C1QTNF3: variants seen among roughly 807,000 people sequenced by gnomAD.
The protein encoded by C1QTNF3 is complement C1q tumor necrosis factor-related protein 3.
In C1QTNF3, 26 loss-of-function variants were observed where a neutral mutation model predicts 32.6. That is an observed-to-expected ratio of 0.80 (90% CI 0.58 to 1.11). C1QTNF3 has a LOEUF of 1.11. C1QTNF3 is among the 50% of genes least tolerant of loss of function. The pLI is 0.00. For synonymous variants in C1QTNF3, 155 were observed against 146.0 expected (o/e 1.06, Z -0.44); for missense variants, 362 against 398.2 (o/e 0.91, Z 0.77).
chr5:34,115,742 A>G, the C1QTNF3 span, among the ~76,000 whole-genome samples: 1 of 151,964 alleles, frequency 6.6e-6, no homozygotes. Flanking sequence ...AAAAAAAAAA[A>G]AAAAAACTTT....
chr5:34,025,744 G>T (rs1165027847), intron 4 of C1QTNF3, among the ~76,000 whole-genome samples: 1 of 152,148 alleles, frequency 6.6e-6, no homozygotes, highest in Non-Finnish European at 1.5e-5. Flanking sequence ...CCTTACTTAG[G>T]CTTCAATTAT....
At chr5:34,102,150 A>C in the C1QTNF3 span, among the ~76,000 whole-genome samples, 14 of 151,646 alleles carry the variant, frequency 9.2e-5, no homozygotes, top group African/African-American at 3.4e-4. Context: ...ACACAAAAAC[A>C]ACCTATCAGA....
the C1QTNF3 span, among the ~76,000 whole-genome samples, chr5:34,063,273 T>C: frequency 1.4e-5 from 2 of 141,586 alleles, no homozygotes; most frequent in Non-Finnish European, 3.1e-5. Context: ...ACTTTCTGCC[T>C]TTCTCTCTCT....
chr5:34,024,311 G>GT (rs1396011228), intron 4 of C1QTNF3: 1 of 275,236 alleles, frequency 3.6e-6, no homozygotes, highest in Admixed American at 4.7e-5. Context: ...CAAAGTAGGC[G>GT]TTGTTCCTGG....
chr5:34,166,388 G>C, the C1QTNF3 span: 1 of 151,888 alleles, frequency 6.6e-6, no homozygotes, highest in South Asian at 2.1e-4. Flanking sequence ...GACCCAGAGA[G>C]ACTGTTGCTC....
the C1QTNF3 span, among the ~76,000 whole-genome samples, chr5:34,187,714 T>G: frequency 6.6e-6 from 1 of 152,308 alleles, no homozygotes; most frequent in Non-Finnish European, 1.5e-5. Flanking sequence ...AGAGATGATT[T>G]AAGGTATCTG....
chr5:34,140,944 T>C, the C1QTNF3 span, among the ~76,000 whole-genome samples: 2 of 152,208 alleles, frequency 1.3e-5, no homozygotes, highest in Non-Finnish European at 2.9e-5. Context: ...CCTCCATAAA[T>C]GTCCATTTTT....
At chr5:34,096,532 CATAATTACAATAATAATAAATA>C in the C1QTNF3 span, among the ~76,000 whole-genome samples, 1 of 135,776 alleles carries the variant, frequency 7.4e-6, no homozygotes, top group Non-Finnish European at 1.6e-5. Context: ...TAATAACCGC[CATAATTACAATAATAATAAATA>C]ATAATTACAA....
chr5:34,025,917 A>G (rs1393532434), intron 4 of C1QTNF3, among the ~76,000 whole-genome samples: 1 of 152,254 alleles, frequency 6.6e-6, no homozygotes. Context: ...TCATGACATT[A>G]AAGTGTGATG....
chr5:34,177,170 C>T, the C1QTNF3 span, among the ~76,000 whole-genome samples: 513 of 152,238 alleles, frequency 3.4e-3, 11 homozygotes, highest in Admixed American at 0.027. Flanking sequence ...GCCTGGGCAA[C>T]AGAGTGAGGC....
intron 3 of C1QTNF3, among the ~76,000 whole-genome samples, chr5:34,029,283 G>A (rs1050098107): frequency 2.0e-5 from 3 of 151,428 alleles, no homozygotes; most frequent in Admixed American, 6.6e-5. Context: ...ATTTTTTCCC[G>A]AAAAGATACC....
chr5:34,222,912 A>T, the C1QTNF3 span, among the ~76,000 whole-genome samples: 1 of 151,958 alleles, frequency 6.6e-6, no homozygotes, highest in Non-Finnish European at 1.5e-5. Context: ...TTATAATACT[A>T]ATGAGATTGA....
chr5:34,239,270 T>C, the C1QTNF3 span: 1 of 152,078 alleles, frequency 6.6e-6, no homozygotes, highest in African/African-American at 2.4e-5. Context: ...AACGTGATGA[T>C]AGGATCAAAA....
chr5:34,156,320 C>T, the C1QTNF3 span, among the ~76,000 whole-genome samples: 1 of 152,186 alleles, frequency 6.6e-6, no homozygotes, highest in African/African-American at 2.4e-5. Context: ...ATCCACCCGC[C>T]TCGGCCTCCC....
the C1QTNF3 span, among the ~76,000 whole-genome samples, chr5:34,104,089 C>T: frequency 8.8e-6 from 1 of 113,766 alleles, no homozygotes; most frequent in Admixed American, 9.6e-5. Context: ...GGTATAACCA[C>T]GAGGAAACAT....
At chr5:34,078,164 C>T in the C1QTNF3 span, among the ~76,000 whole-genome samples, 1 of 151,602 alleles carries the variant, frequency 6.6e-6, no homozygotes, top group African/African-American at 2.4e-5. This position sits in a 1 kb window ranked among gnomAD's most constrained non-coding sequence, Gnocchi z 4.0. Flanking sequence ...GGGACCCCAT[C>T]CCCTGCCATT....
At chr5:34,148,049 G>A in the C1QTNF3 span, among the ~76,000 whole-genome samples, 5 of 151,916 alleles carry the variant, frequency 3.3e-5, no homozygotes, top group South Asian at 2.1e-4. Flanking sequence ...CCTGGGAAGC[G>A]CAAGGGGTCA....
chr5:34,217,180 TTATTAA>T, the C1QTNF3 span, among the ~76,000 whole-genome samples: 1 of 152,262 alleles, frequency 6.6e-6, no homozygotes, highest in Admixed American at 6.5e-5. Flanking sequence ...TTCTAGTAAA[TTATTAA>T]TATTAACTTG....
Position 34,018,684 on chromosome 5 carries a change from T to G in C1QTNF3, c.*1899A>C, listed in dbSNP as rs575800532. 7.2e-5 allele frequency among the ~76,000 whole-genome samples: 11 copies of G among 152,372 alleles called. 1 individual carries two copies. The South Asian group carries it at 2.3e-3, about 32-fold the overall frequency. Reference sequence around the variant, plus strand: ...TACAATCAATAAAATTCCTTCAATATAATCTCTTTGTTGTCCAAGGGTCAA... The same window carrying G: ...TACAATCAATAAAATTCCTTCAATAGAATCTCTTTGTTGTCCAAGGGTCAA... On this transcript the variant is annotated 3_prime_UTR_variant, in exon 6 of 6. Coordinates refer to ENST00000382065, the MANE Select transcript of C1QTNF3 (RefSeq NM_181435.6).
Sources: allele counts gnomAD v4.1 joint callset (sites outside exome capture counted in the v4.1 genomes callset), GRCh38; gene constraint gnomAD v4.1.1; non-coding constraint Gnocchi (gnomAD v3.1); transcripts MANE v1.5; gene names NCBI Gene and HGNC (gene_info 2026-07-23, HGNC 2026-07-21).